The following EXOC6B variants were observed in gnomAD, a reference collection of about 807,000 sequenced individuals.
EXOC6B encodes the protein SEC15 homolog B.
Under a neutral mutation model 113.5 loss-of-function variants are expected in EXOC6B, and 54 were observed. The ratio of observed to expected loss-of-function variants is 0.48; its 90% CI spans 0.38 to 0.60. The LOEUF is 0.60. Ranked by LOEUF, EXOC6B falls within the 20% of genes least tolerant of loss-of-function variation. EXOC6B has a pLI of 0.00. For missense variants in EXOC6B, 797 were observed against 977.5 expected (o/e 0.82, Z 2.46); for synonymous variants, 357 against 339.0 (o/e 1.05, Z -0.58).
At chr2:72,513,919 C>T (rs887446258) in intron 10 of EXOC6B, among the ~76,000 whole-genome samples, 8 of 151,976 alleles carry the variant, frequency 5.3e-5, no homozygotes, top group Non-Finnish European at 1.2e-4. Flanking sequence ...CTACTAATTA[C>T]ATTGAAACAA....
chr2:72,704,377 A>G (rs879776606), intron 6 of EXOC6B, among the ~76,000 whole-genome samples: 1 of 151,058 alleles, frequency 6.6e-6, no homozygotes, highest in Non-Finnish European at 1.5e-5. Context: ...AGGAAGCAGG[A>G]AAGATCCAAA....
chr2:72,449,311 T>C (rs931967630), intron 18 of EXOC6B, among the ~76,000 whole-genome samples: 10 of 152,000 alleles, frequency 6.6e-5, no homozygotes, highest in African/African-American at 2.2e-4. Context: ...GCCTCCCAAG[T>C]AGCTGGGACT....
At chr2:72,411,507 C>T (rs1694185403) in intron 18 of EXOC6B, among the ~76,000 whole-genome samples, 1 of 152,132 alleles carries the variant, frequency 6.6e-6, no homozygotes, top group Admixed American at 6.6e-5. Flanking sequence ...AAAGGCTATA[C>T]TTTTATTGAA....
intron 20 of EXOC6B, among the ~76,000 whole-genome samples, chr2:72,186,399 G>A (rs947541063): frequency 6.6e-6 from 1 of 152,132 alleles, no homozygotes. Context: ...CTGGGACCAC[G>A]ACAGGTACTG....
In EXOC6B at chr2:72,596,032, T is replaced by C. The variant is rs559235727; in HGVS notation, c.670-20364A>G. On this transcript the variant is annotated intron_variant, in intron 6 of 21. Transcript: ENST00000272427. ...AAAAAAGAAAAGGAAGGCCTCTGGC[T>C]TCTCCTCAGTAATAATAGATGTCAA... 2.6e-5 allele frequency among the ~76,000 whole-genome samples: 4 copies of C among 152,228 alleles called. No individual in the cohort carries two copies. The East Asian group carries it at 7.7e-4, about 29-fold the overall frequency.
chr2:72,579,949 T>C (rs547413381), intron 6 of EXOC6B, among the ~76,000 whole-genome samples: 1 of 151,900 alleles, frequency 6.6e-6, no homozygotes, highest in South Asian at 2.1e-4. Flanking sequence ...GCAGGTTACT[T>C]CTCTCTGCAA....
intron 18 of EXOC6B, among the ~76,000 whole-genome samples, chr2:72,387,727 A>G (rs1215236138): frequency 6.6e-6 from 1 of 152,116 alleles, no homozygotes; most frequent in Non-Finnish European, 1.5e-5. Context: ...GACATTAATA[A>G]TTTGAATCTT....
intron 20 of EXOC6B, among the ~76,000 whole-genome samples, chr2:72,228,979 C>T (rs2104458132): frequency 6.6e-6 from 1 of 152,266 alleles, no homozygotes; most frequent in East Asian, 1.9e-4. Context: ...GAGATGGTAT[C>T]TCATTGTGGT....
intron 15 of EXOC6B, 103 bp downstream of exon 15, chr2:72,495,327 C>T: frequency 1.7e-6 from 1 of 598,456 alleles, no homozygotes; most frequent in Non-Finnish European, 2.9e-6. Flanking sequence ...ATTAAGATTT[C>T]CAAAATCAGG....
chr2:72,454,517 C>T (rs1309185442), intron 18 of EXOC6B, among the ~76,000 whole-genome samples: 1 of 151,576 alleles, frequency 6.6e-6, no homozygotes, highest in East Asian at 1.9e-4. Context: ...ACAACAACAA[C>T]AACAAAAAGG....
chr2:72,475,166 T>C (rs1252488426), intron 17 of EXOC6B, among the ~76,000 whole-genome samples: 2 of 152,078 alleles, frequency 1.3e-5, no homozygotes, highest in East Asian at 1.9e-4. Flanking sequence ...GTCTTTGGGC[T>C]CCAGGGTGGT....
intron 18 of EXOC6B, among the ~76,000 whole-genome samples, chr2:72,399,138 T>C (rs979828848): frequency 5.3e-5 from 8 of 152,082 alleles, no homozygotes; most frequent in African/African-American, 1.9e-4. Flanking sequence ...ATTCCAAAGA[T>C]GCAAAGACAA....
At chr2:72,258,012 G>A (rs1369177946) in intron 20 of EXOC6B, among the ~76,000 whole-genome samples, 2 of 152,166 alleles carry the variant, frequency 1.3e-5, no homozygotes, top group Admixed American at 6.5e-5. Context: ...TTTTTAGAAG[G>A]AAATTGGCTT....
intron 2 of EXOC6B, among the ~76,000 whole-genome samples, chr2:72,737,926 G>C (rs762651129): frequency 1.3e-5 from 2 of 151,978 alleles, no homozygotes; most frequent in African/African-American, 4.8e-5. Context: ...AGAATGTTTA[G>C]AACAGTTCTA....
intron 20 of EXOC6B, among the ~76,000 whole-genome samples, chr2:72,224,790 C>A (rs1681099132): frequency 6.9e-6 from 1 of 145,796 alleles, no homozygotes; most frequent in South Asian, 2.2e-4. Context: ...CTGCCACGTC[C>A]AGCTAATCTG....
chr2:72,185,060 A>G (rs1245617562), intron 20 of EXOC6B, among the ~76,000 whole-genome samples: 1 of 152,256 alleles, frequency 6.6e-6, no homozygotes, highest in Non-Finnish European at 1.5e-5. Context: ...TTTTAGCCTC[A>G]GACATCACAC....
At chr2:72,397,321 T>G (rs757141820) in intron 18 of EXOC6B, among the ~76,000 whole-genome samples, 1 of 152,134 alleles carries the variant, frequency 6.6e-6, no homozygotes, top group Admixed American at 6.5e-5. Context: ...ATTCTTCTTA[T>G]GTAAGAAAAT....
At position 72,777,989 on chromosome 2, in the gene EXOC6B, C is replaced by G. The variant is rs755138917; in HGVS notation, c.114-36520G>C. ...AATTGGTACACTAGAAAATACCTATCTAACACAAAATAAGGCAGCAATGGA... is the reference window on the plus strand; with the variant it reads ...AATTGGTACACTAGAAAATACCTATGTAACACAAAATAAGGCAGCAATGGA... On this transcript the variant is annotated intron_variant, in intron 1 of 21. Coordinates refer to ENST00000272427, the MANE Select transcript of EXOC6B (RefSeq NM_015189.3). 1.2e-3 allele frequency among the ~76,000 whole-genome samples: 188 copies of G among 152,048 alleles called. 9 individuals carry two copies. Among genetic ancestry groups the G allele is most frequent in the Non-Finnish European group, 3.7e-4 (25 of 67,984 alleles).
intron 17 of EXOC6B, among the ~76,000 whole-genome samples, chr2:72,468,075 C>G (rs1573192130): frequency 1.3e-5 from 2 of 151,990 alleles, no homozygotes; most frequent in South Asian, 4.2e-4. Context: ...TCTGCCTGTT[C>G]TGCCATTTTG....
Sources: gnomAD v4.1 joint callset for allele counts (sites outside exome capture counted in the v4.1 genomes callset) on GRCh38, gnomAD v4.1.1 for gene constraint, MANE v1.5 for transcripts, NCBI Gene and HGNC (gene_info 2026-07-23, HGNC 2026-07-21) for gene names.